Variants in CXADR observed in about 807,000 individuals in gnomAD.
CXADR encodes CXADR cell adhesion molecule.
A neutral mutation model predicts 40.3 loss-of-function variants in CXADR; 20 were observed. The ratio of observed to expected loss-of-function variants is 0.50; its 90% CI spans 0.35 to 0.72. The LOEUF (loss-of-function observed/expected upper bound fraction) is 0.72. Among genes scored for constraint, CXADR ranks in the 30% least tolerant of loss-of-function variants. The pLI is 0.01. For missense variants in CXADR, 332 were observed against 449.1 expected (o/e 0.74, Z 2.36); for synonymous variants, 150 against 161.3 (o/e 0.93, Z 0.53).
chr21:17,566,236 A>G lies in CXADR; in HGVS notation c.*544A>G, dbSNP rs2061207086. ...TTTGGAATATCTCTAAAAACATAGA[A>G]AACACTACAGTGGTTTAGAAATTAC... is the stretch of plus-strand genomic sequence containing the variant. On this transcript the variant is annotated 3_prime_UTR_variant, in exon 7 of 7. Transcript: ENST00000284878. 8 of 979,152 alleles carry G rather than the reference A, an allele frequency of 8.2e-6. No homozygotes were observed. Among genetic ancestry groups the G allele is most frequent in the Non-Finnish European group, 9.7e-6 (8 of 824,248 alleles). 60.7% of individuals were successfully genotyped at this position (979,152 alleles called of 1,614,324 possible). A position where few individuals can be genotyped will look rare whatever the true frequency, so the allele number is the denominator to read the frequency against.
At chr21:17,599,463 C>T in the CXADR span, among the ~76,000 whole-genome samples, 138 of 148,628 alleles carry the variant, frequency 9.3e-4, no homozygotes, top group African/African-American at 2.7e-3. Flanking sequence ...TACAGGCATG[C>T]GCCACTGGCT....
downstream of CXADR, among the ~76,000 whole-genome samples, chr21:17,572,498 G>A (rs984545152): frequency 6.6e-6 from 1 of 152,144 alleles, no homozygotes; most frequent in Non-Finnish European, 1.5e-5. Context: ...CAGTAGTAGC[G>A]AACACGGAAA....
At chr21:17,632,365 C>T in the CXADR span, among the ~76,000 whole-genome samples, 1 of 152,024 alleles carries the variant, frequency 6.6e-6, no homozygotes, top group Non-Finnish European at 1.5e-5. Context: ...AAGAGAACAC[C>T]ATGTAAGTGA....
chr21:17,584,429 C>G (rs897037278), intron 7 of CXADR, among the ~76,000 whole-genome samples: 1 of 152,174 alleles, frequency 6.6e-6, no homozygotes, highest in African/African-American at 2.4e-5. Flanking sequence ...ATCGTGCCAT[C>G]CTGCATTCAC....
the CXADR span, chr21:17,614,144 C>T: frequency 6.6e-6 from 1 of 151,042 alleles, no homozygotes; most frequent in Non-Finnish European, 1.5e-5. Context: ...AGTCTACTTA[C>T]TGGTACATTT....
At chr21:17,599,489 T>C in the CXADR span, among the ~76,000 whole-genome samples, 1 of 150,588 alleles carries the variant, frequency 6.6e-6, no homozygotes, top group African/African-American at 2.5e-5. Flanking sequence ...TTTTTTTTTT[T>C]TTTTTGAGAC....
At chr21:17,636,223 G>A in the CXADR span, among the ~76,000 whole-genome samples, 6 of 152,082 alleles carry the variant, frequency 3.9e-5, no homozygotes, top group Non-Finnish European at 8.8e-5. Flanking sequence ...TGACAATATC[G>A]TCTGTGAATA....
At chr21:17,591,753 C>T (rs2061437176) in intron 7 of CXADR, among the ~76,000 whole-genome samples, 1 of 151,790 alleles carries the variant, frequency 6.6e-6, no homozygotes, top group Non-Finnish European at 1.5e-5. Flanking sequence ...GGCTTTCAAG[C>T]TGAAATTATG....
chr21:17,611,571 A>G, the CXADR span: 1 of 152,294 alleles, frequency 6.6e-6, no homozygotes, highest in Admixed American at 6.5e-5. Context: ...AAAGAGGGAG[A>G]GTTACAGTCA....
chr21:17,585,382 T>A (rs2061387561), intron 7 of CXADR, among the ~76,000 whole-genome samples: 1 of 152,160 alleles, frequency 6.6e-6, no homozygotes. Flanking sequence ...GTTTTCGAAT[T>A]GTGTGACCAT....
At chr21:17,543,028 C>A in intron 1 of CXADR, 1 of 369,386 alleles carries the variant, frequency 2.7e-6, no homozygotes, top group Non-Finnish European at 5.4e-6. Flanking sequence ...ATTTCTAGTG[C>A]AACACAGTGA....
At chr21:17,602,947 A>G in the CXADR span, among the ~76,000 whole-genome samples, 1 of 152,218 alleles carries the variant, frequency 6.6e-6, no homozygotes, top group Non-Finnish European at 1.5e-5. Flanking sequence ...AACGTAAACT[A>G]TTTGATTGTG....
chr21:17,559,267 C>T, intron 4 of CXADR, 136 bp downstream of exon 4: 1 of 876,138 alleles, frequency 1.1e-6, no homozygotes, highest in Non-Finnish European at 1.8e-6. Flanking sequence ...GAAGCTTCAA[C>T]CTCCTAGGCT....
chr21:17,565,328 G>T, intron 6 of CXADR, 100 bp from the exon 7 acceptor site: 1 of 1,261,584 alleles, frequency 7.9e-7, no homozygotes, highest in Non-Finnish European at 1.1e-6. Flanking sequence ...TATATGTTTA[G>T]TACCTAAATA....
intron 1 of CXADR, among the ~76,000 whole-genome samples, chr21:17,536,808 G>T (rs541519216): frequency 5.1e-4 from 78 of 152,224 alleles, no homozygotes; most frequent in South Asian, 2.1e-3. Flanking sequence ...CTAGGCTGAA[G>T]TGCAGTGGTG....
the CXADR span, among the ~76,000 whole-genome samples, chr21:17,620,549 C>T: frequency 6.6e-6 from 1 of 152,000 alleles, no homozygotes; most frequent in Non-Finnish European, 1.5e-5. Context: ...CACAGAGACA[C>T]AAAGTGATCA....
At chr21:17,628,557 G>A in the CXADR span, among the ~76,000 whole-genome samples, 16 of 152,196 alleles carry the variant, frequency 1.1e-4, no homozygotes, top group African/African-American at 3.9e-4. Flanking sequence ...CTGGAATGCA[G>A]TGGCGTGATC....
chr21:17,563,379 A>T (rs1462167992), intron 6 of CXADR, among the ~76,000 whole-genome samples: 4 of 151,574 alleles, frequency 2.6e-5, no homozygotes, highest in Non-Finnish European at 4.4e-5. Context: ...TAATTTCAAT[A>T]TCATTGTGTC....
At chr21:17,536,609 C>A (rs1259481101) in intron 1 of CXADR, among the ~76,000 whole-genome samples, 2 of 152,092 alleles carry the variant, frequency 1.3e-5, no homozygotes, top group African/African-American at 4.8e-5. Flanking sequence ...AGAGGAAGCA[C>A]GTTCACTTCC....
Sources: gnomAD v4.1 joint callset for allele counts (sites outside exome capture counted in the v4.1 genomes callset) on GRCh38, gnomAD v4.1.1 for gene constraint, MANE v1.5 for transcripts, NCBI Gene and HGNC (gene_info 2026-07-23, HGNC 2026-07-21) for gene names.